The following MARCHF11 variants were observed in gnomAD, a reference collection of about 807,000 sequenced individuals.
The protein encoded by MARCHF11 is membrane associated ring-CH-type finger 11, also known as E3 ubiquitin-protein ligase MARCHF11.
MARCHF11 carries 29 observed loss-of-function variants against 37.3 expected under a neutral mutation model. The ratio of observed to expected loss-of-function variants is 0.78; its 90% CI spans 0.58 to 1.06. The LOEUF (loss-of-function observed/expected upper bound fraction) is 1.06, where lower values mean the gene tolerates loss of function less well. MARCHF11 is among the 50% of genes least tolerant of loss of function. The pLI is 0.00. For synonymous variants in MARCHF11, 233 were observed against 228.0 expected (o/e 1.02, Z -0.20); for missense variants, 482 against 533.4 (o/e 0.90, Z 0.95).
At chr5:16,127,461 C>T (rs759232799) in intron 2 of MARCHF11, among the ~76,000 whole-genome samples, 1 of 152,136 alleles carries the variant, frequency 6.6e-6, no homozygotes, top group Non-Finnish European at 1.5e-5. Flanking sequence ...GCAAACGGAA[C>T]TTTTTACTGG....
intron 2 of MARCHF11, among the ~76,000 whole-genome samples, chr5:16,140,819 G>GA (rs769569875): frequency 9.3e-4 from 142 of 152,182 alleles, no homozygotes; most frequent in Non-Finnish European, 1.5e-3. Flanking sequence ...TTAATGCTGG[G>GA]ACGGAATTTG....
intron 3 of MARCHF11, among the ~76,000 whole-genome samples, chr5:16,076,053 C>G (rs77076881): frequency 1.3e-5 from 2 of 152,184 alleles, no homozygotes; most frequent in African/African-American, 4.8e-5. Flanking sequence ...TCCTCCCTGT[C>G]TTTTCAGGCA....
Position 16,067,787 on chromosome 5 carries a change from A to G in MARCHF11, c.893T>C (p.Ile298Thr), listed in dbSNP as rs770544474. Residue 298 changes from isoleucine to threonine, a missense_variant, in exon 4 of 4, where the codon ATT (isoleucine) becomes ACT (threonine). Physicochemically the swap from Ile to Thr is moderately conservative, Grantham distance 89. Transcript: ENST00000332432. Reference protein sequence around the residue: ...GFMDLVCIGLIVHEGAAVYRV... With the variant: ...GFMDLVCIGLTVHEGAAVYRV... ...GTAAACTGCAGCTCCTTCATGAACA[A>G]TGAGACCTAAAATTTGAGAAAATAA... The G allele has an allele frequency of 6.2e-7, 1 of 1,605,072 alleles. No individual in the cohort carries two copies. Among genetic ancestry groups the G allele is most frequent in the African/African-American group, 1.3e-5 (1 of 74,528 alleles).
At chr5:16,126,024 C>G (rs926796510) in intron 2 of MARCHF11, among the ~76,000 whole-genome samples, 1 of 152,152 alleles carries the variant, frequency 6.6e-6, no homozygotes, top group Admixed American at 6.5e-5. Flanking sequence ...AATAAGTGTT[C>G]ACTGTAAGGG....
At position 16,102,951 on chromosome 5, in the gene MARCHF11, G is replaced by T. The variant is rs552763014; in HGVS notation, c.694-11870C>A. Among the ~76,000 whole-genome samples, 3 of 152,246 alleles carry T rather than the reference G, an allele frequency of 2.0e-5. No individual in the cohort carries two copies. In the East Asian group the frequency reaches 5.8e-4, roughly 29 times the overall value. On this transcript the variant is annotated intron_variant, in intron 2 of 3. Coordinates refer to ENST00000332432, the MANE Select transcript of MARCHF11 (RefSeq NM_001102562.3). The stretch of plus-strand genomic sequence containing the variant: ...CACAAGTTCCATGAAGGGGTCAAGG[G>T]AACTATCTTGTCTTAACACCACCGA...
chr5:16,135,077 G>C (rs1281189849), intron 2 of MARCHF11, among the ~76,000 whole-genome samples: 4 of 151,462 alleles, frequency 2.6e-5, no homozygotes, highest in Non-Finnish European at 5.9e-5. Flanking sequence ...TCAGTTCCTG[G>C]CCAGCTCATT....
At chr5:16,173,347 C>G (rs576985510) in intron 2 of MARCHF11, among the ~76,000 whole-genome samples, 2 of 152,318 alleles carry the variant, frequency 1.3e-5, no homozygotes, top group South Asian at 4.1e-4. Context: ...ACCCACCTGA[C>G]AGGGGCTGTT....
At chr5:16,121,763 T>C (rs901829567) in intron 2 of MARCHF11, among the ~76,000 whole-genome samples, 2 of 152,174 alleles carry the variant, frequency 1.3e-5, no homozygotes, top group African/African-American at 2.4e-5. Flanking sequence ...TCAAAGCTAA[T>C]GTGTTTATGC....
intron 3 of MARCHF11, among the ~76,000 whole-genome samples, chr5:16,084,230 G>A (rs1366861199): frequency 1.3e-5 from 2 of 152,180 alleles, no homozygotes; most frequent in Non-Finnish European, 1.5e-5. Context: ...AATGAAATGT[G>A]AATGTATTAC....
intron 2 of MARCHF11, among the ~76,000 whole-genome samples, chr5:16,148,039 T>C (rs1252071613): frequency 1.3e-5 from 2 of 152,158 alleles, no homozygotes; most frequent in Non-Finnish European, 2.9e-5. Context: ...TGGGGGAATT[T>C]CCATAATTCA....
At position 16,090,970 on chromosome 5, in the gene MARCHF11, G is replaced by A. The variant is rs1560971787; in HGVS notation, c.805C>T (p.Pro269Ser). The A allele has an allele frequency of 6.2e-7, 1 of 1,611,930 alleles. No individual in the cohort carries two copies. The highest frequency in any genetic ancestry group is 1.1e-5 in the South Asian group (1 of 90,886). The change falls in exon 3 of 4, where the codon CCC becomes TCC. Residue 269 changes from proline to serine, a missense_variant. Pro to Ser is a moderately conservative substitution (Grantham distance 74). Transcript: ENST00000332432. ...TCCTTCCTCTGCCACACTGCATAGG[G>A]GCTGAAGGCTGACCAGAGGAGCCAA... ...VTWLLWSAFS[P>S]YAVWQRKDIL... is the part of the protein sequence containing the mutation.
At chr5:16,071,927 A>G (rs1214255116) in intron 3 of MARCHF11, among the ~76,000 whole-genome samples, 1 of 152,154 alleles carries the variant, frequency 6.6e-6, no homozygotes, top group Non-Finnish European at 1.5e-5. Context: ...GCAACTGTAC[A>G]AACAGGTACT....
intron 2 of MARCHF11, among the ~76,000 whole-genome samples, chr5:16,109,140 ACG>A (rs1491107590): frequency 1.4e-4 from 21 of 151,030 alleles, no homozygotes; most frequent in African/African-American, 4.9e-4. Flanking sequence ...ACACACACAC[ACG>A]TTTGGTCTTT....
In MARCHF11 at chr5:16,164,447, C is replaced by T. The variant is rs145416286; in HGVS notation, c.693+13279G>A. On this transcript the variant is annotated intron_variant, in intron 2 of 3. Transcript: ENST00000332432. ...ATACAGACATGTATAGAGCACTCCA[C>T]TCTCTAGGACAGGCTGTGTGTTAGG... Among the ~76,000 whole-genome samples the T allele has an allele frequency of 6.7e-4, 102 of 152,166 alleles. No individual in the cohort carries two copies. In the East Asian group the frequency reaches 0.016, roughly 24 times the overall value.
intron 3 of MARCHF11, among the ~76,000 whole-genome samples, chr5:16,085,660 G>A (rs1736683263): frequency 6.6e-6 from 1 of 151,802 alleles, no homozygotes; most frequent in Admixed American, 6.6e-5. Context: ...ATTTACATAA[G>A]CTTATTACTC....
intron 2 of MARCHF11, among the ~76,000 whole-genome samples, chr5:16,137,264 G>A (rs1737625149): frequency 6.6e-6 from 1 of 152,146 alleles, no homozygotes; most frequent in Non-Finnish European, 1.5e-5. Flanking sequence ...CCCAGTGGGA[G>A]GTAATTCAAT....
chr5:16,176,929 A>G (rs1738374738), intron 2 of MARCHF11, among the ~76,000 whole-genome samples: 1 of 152,140 alleles, frequency 6.6e-6, no homozygotes, highest in African/African-American at 2.4e-5. Context: ...GATAACATTA[A>G]TTACACATTA....
intron 2 of MARCHF11, among the ~76,000 whole-genome samples, chr5:16,120,030 T>C (rs1299327928): frequency 6.6e-6 from 1 of 152,216 alleles, no homozygotes; most frequent in Non-Finnish European, 1.5e-5. Flanking sequence ...AGCAGAGGCC[T>C]GTATCTGTGC....
At chr5:16,131,763 A>G (rs757488514) in intron 2 of MARCHF11, among the ~76,000 whole-genome samples, 7 of 152,212 alleles carry the variant, frequency 4.6e-5, no homozygotes, top group Non-Finnish European at 7.3e-5. Context: ...GACAGCTTAA[A>G]TGGAAAGATC....
Sources: gnomAD v4.1 joint callset for allele counts (sites outside exome capture counted in the v4.1 genomes callset) on GRCh38, gnomAD v4.1.1 for gene constraint, MANE v1.5 for transcripts, NCBI Gene and HGNC (gene_info 2026-07-23, HGNC 2026-07-21) for gene names.